LAMA5: variants seen among roughly 807,000 people sequenced by gnomAD.
LAMA5 encodes laminin subunit alpha-5.
LAMA5 carries 260 observed loss-of-function variants against 433.4 expected under a neutral mutation model. That is an observed-to-expected ratio of 0.60 (90% CI 0.54 to 0.66). LAMA5 has a LOEUF of 0.66. LAMA5 is among the 30% of genes least tolerant of loss of function. The pLI, the probability that LAMA5 is intolerant of heterozygous loss-of-function variation, is 0.00. For missense variants in LAMA5, 5,378 were observed against 5,258.5 expected (o/e 1.02, Z -0.70); for synonymous variants, 2,620 against 2,226.6 (o/e 1.18, Z -4.97).
rs143158240 is a variant in LAMA5, at chr20:62,309,787, T to C, written c.10877A>G (p.Asn3626Ser). Reference sequence around the variant, plus strand: ...CGCCAGCAAGGGGCCCACGGTGTGGTTGCTCTGCGCGTCCACCTCCAGCCG... The same window carrying C: ...CGCCAGCAAGGGGCCCACGGTGTGGCTGCTCTGCGCGTCCACCTCCAGCCG... ...VLRLEVDAQS[N>S]HTVGPLLAAA... Residue 3626 changes from asparagine (N) to serine (S), a missense_variant, in exon 79 of 80, where the codon AAC (asparagine) becomes AGC (serine). Asn to Ser is a conservative substitution (Grantham distance 46). Coordinates refer to ENST00000252999, the MANE Select transcript of LAMA5 (RefSeq NM_005560.6). The C allele has an allele frequency of 5.8e-4, 938 of 1,609,018 alleles. 6 individuals carry two copies. In the African/African-American group the frequency reaches 9.3e-3, roughly 16 times the overall value.
intron 6 of LAMA5, among the ~76,000 whole-genome samples, chr20:62,348,387 G>A (rs564425065): frequency 1.9e-4 from 29 of 152,256 alleles, no homozygotes; most frequent in East Asian, 9.7e-4. Context: ...GGTGGATCAC[G>A]AGGTCAGGAG....
intron 70 of LAMA5, 32 bp from the exon 71 acceptor site, chr20:62,311,816 T>TTC: frequency 1.3e-6 from 2 of 1,521,006 alleles, no homozygotes; most frequent in Non-Finnish European, 1.8e-6. Context: ...GCTCGGTTTT[T>TTC]CCCCACCCTG....
At position 62,312,301 on chromosome 20, in the gene LAMA5, T is replaced by C. The variant is rs759768761; in HGVS notation, c.9376A>G (p.Thr3126Ala). 7 of 1,610,174 alleles carry C rather than the reference T, an allele frequency of 4.3e-6. No homozygotes were observed. The Admixed American group carries it at 8.4e-5, about 19-fold the overall frequency. ...TADLLVGRAM[T>A]FHGHGFLRLA... is the part of the protein sequence containing the mutation. ...CGAAGGAAGCCGTGGCCATGGAAAGTCATGGCGCGCCCCACCTGCGGGGAG... is the reference window on the plus strand; with the variant it reads ...CGAAGGAAGCCGTGGCCATGGAAAGCCATGGCGCGCCCCACCTGCGGGGAG... The change falls in exon 69 of 80, where the codon ACT becomes GCT. Residue 3126 changes from threonine (T) to alanine (A), a missense_variant. Physicochemically the swap from Thr to Ala is moderately conservative, Grantham distance 58. Coordinates refer to ENST00000252999, the MANE Select transcript of LAMA5 (RefSeq NM_005560.6).
At chr20:62,351,561 C>A in intron 6 of LAMA5, 143 bp downstream of exon 6, 1 of 735,224 alleles carries the variant, frequency 1.4e-6, no homozygotes, top group Non-Finnish European at 2.3e-6. Context: ...CGGCGGTGGT[C>A]AGTGCAGGTC....
In LAMA5 at chr20:62,309,075, G is replaced by GTTTT; in HGVS notation, c.*260_*261insAAAA. The GTTTT allele has an allele frequency of 1.6e-6, 1 of 609,816 alleles. No homozygotes were observed. Among genetic ancestry groups the GTTTT allele is most frequent in the Non-Finnish European group, 2.7e-6 (1 of 365,070 alleles). The allele number at this position is 609,816 out of a possible 1,614,324, so 37.8% of individuals were successfully genotyped here. A position where few individuals can be genotyped will look rare whatever the true frequency, so the allele number is the denominator to read the frequency against. ...TCAACATTCATTCGGTTACACAGAA[G>GTTTT]TTACTTTTTAATTTTTAAGGAGGAA... On this transcript the variant is annotated 3_prime_UTR_variant, in exon 80 of 80. Coordinates refer to ENST00000252999, the MANE Select transcript of LAMA5 (RefSeq NM_005560.6).
In LAMA5 at chr20:62,316,914, G is replaced by A; in HGVS notation, c.7621C>T (p.Gln2541Ter). The change falls in exon 56 of 80, where the codon CAG becomes TAG. Residue 2541 changes from glutamine (Q) to a stop codon, truncating the protein, a stop_gained. Coordinates refer to ENST00000252999, the MANE Select transcript of LAMA5 (RefSeq NM_005560.6). LOFTEE classifies it high-confidence loss of function. ...AVQAAEDAAG[Q>*]ALQQADHTWA... ...GTGTGGTCCGCCTGCTGCAGGGCCT[G>A]GCCAGCAGCATCCTCGGCAGCCTGC... 6.5e-7 allele frequency: 1 copy of A among 1,545,342 alleles called. No homozygotes were observed.
chr20:62,328,628 C>T (rs1443775076), intron 34 of LAMA5, among the ~76,000 whole-genome samples, 183 bp from the exon 35 acceptor site: 4 of 94,848 alleles, frequency 4.2e-5, no homozygotes, highest in Non-Finnish European at 9.5e-5. Flanking sequence ...TCAGAATCAA[C>T]ATCATCGTCA....
In LAMA5 at chr20:62,332,457, C is replaced by T. The variant is rs143551466; in HGVS notation, c.3467G>A (p.Arg1156Gln). The T allele has an allele frequency of 3.1e-4, 492 of 1,612,582 alleles. No homozygotes were observed. In the Middle Eastern group the frequency reaches 5.0e-3, roughly 16 times the overall value. Residue 1156 changes from arginine (R) to glutamine (Q), a missense_variant, in exon 28 of 80, where the codon CGG becomes CAG. Coordinates refer to ENST00000252999, the MANE Select transcript of LAMA5 (RefSeq NM_005560.6). ...GACAGCCAGGTGGTCCTGGGTATCC[C>T]GGGCAGTGCCCCGGCACAGGGTGCT... ...LYSTLCRGTA[R>Q]DTQDHLAVFH...
In LAMA5 at chr20:62,359,459, G is replaced by A. The variant is rs549087991; in HGVS notation, c.450+2941C>T. Among the ~76,000 whole-genome samples the A allele has an allele frequency of 1.3e-4, 18 of 135,838 alleles. No homozygotes were observed. The South Asian group carries it at 3.0e-3, about 23-fold the overall frequency. The allele number at this position is 135,838 out of a possible 152,430, so 89.1% of individuals were successfully genotyped here. A position where few individuals can be genotyped will look rare whatever the true frequency, so the allele number is the denominator to read the frequency against. ...CATGTGCCTGGGCAGTCATGAACGC[G>A]CTCACCCTTCCCTGGGCCTGGGGCC... On this transcript the variant is annotated intron_variant, in intron 2 of 79. Coordinates refer to ENST00000252999, the MANE Select transcript of LAMA5 (RefSeq NM_005560.6). This position sits in a 1 kb window ranked among gnomAD's most constrained non-coding sequence, Gnocchi z 4.3.
rs1335354150 is a variant in LAMA5 at position 62,315,355 on chromosome 20, C to G, written c.7868-148G>C. 5.9e-6 allele frequency: 4 copies of G among 672,692 alleles called. No individual in the cohort carries two copies. In the East Asian group the frequency reaches 8.6e-5, roughly 14 times the overall value. The allele number at this position is 672,692 out of a possible 1,614,324, so 41.7% of individuals were successfully genotyped here. A position where few individuals can be genotyped will look rare whatever the true frequency, so the allele number is the denominator to read the frequency against. On this transcript the variant is annotated intron_variant, in intron 58 of 79. Transcript: ENST00000252999. ...CTCACACCCCGCTGCTCAGTGCAAT[C>G]CAAACCCATCCTAAATGCCTCCACC...
rs1355647544 is a variant in LAMA5, at chr20:62,360,501, G to A, written c.450+1899C>T. On this transcript the variant is annotated intron_variant, in intron 2 of 79. Coordinates refer to ENST00000252999, the MANE Select transcript of LAMA5 (RefSeq NM_005560.6). ...AGGGATAGATGGGTGGTGGGTGGGT[G>A]GAGGGATAGATGGGTGGGTGGGTGG... Among the ~76,000 whole-genome samples, 14 of 1,812 alleles carry A rather than the reference G, an allele frequency of 7.7e-3. 6 individuals carry two copies. Among genetic ancestry groups the A allele is most frequent in the East Asian group, 0.033 (3 of 92 alleles). The allele number at this position is 1,812 out of a possible 152,430, so 1.2% of individuals were successfully genotyped here.
chr20:62,325,398 G>A lies in LAMA5; in HGVS notation c.5447C>T (p.Ala1816Val), dbSNP rs767256477. Residue 1816 changes from alanine to valine, a missense_variant, in exon 41 of 80, where the codon GCC becomes GTC. Transcript: ENST00000252999. ...CAGGGCCCCCTGGCCTGCTGGGCTG[G>A]CCACCTCCAGTGCCACCCTGCGCAG... ...VFLRRVALEV[A>V]SPAGQGALAS... 6.2e-7 allele frequency: 1 copy of A among 1,611,568 alleles called. No individual in the cohort carries two copies. The highest frequency in any genetic ancestry group is 8.5e-7 in the Non-Finnish European group (1 of 1,179,148).
At position 62,362,445 on chromosome 20, in the gene LAMA5, G is replaced by A. The variant is rs376228530; in HGVS notation, c.405C>T (p.Arg135=). 17 of 1,588,976 alleles carry A rather than the reference G, an allele frequency of 1.1e-5. No individual in the cohort carries two copies. The highest frequency in any genetic ancestry group is 4.0e-5 in the African/African-American group (3 of 74,370). The change falls in exon 2 of 80, where the codon CGC becomes CGT. Residue 135 remains arginine, a synonymous_variant. Coordinates refer to ENST00000252999, the MANE Select transcript of LAMA5 (RefSeq NM_005560.6). ...CGTTGACCTCGTTGTACTCCAGGCC[G>A]CGGGACAGCGGTGGACTCTGCCACC... ...ERWWQSPPLS[R]GLEYNEVNVT... is the part of the protein sequence containing the mutation.
At chr20:62,312,084 G>A (rs1415721834) in intron 69 of LAMA5, 34 bp from the exon 70 acceptor site, 2 of 1,609,874 alleles carry the variant, frequency 1.2e-6, no homozygotes, top group African/African-American at 1.3e-5. Context: ...CGGCCGGCCT[G>A]GGGACCCAGA....
Position 62,313,127 on chromosome 20 carries a change from G to T in LAMA5, c.8916C>A (p.Leu2972=), listed in dbSNP as rs750547618. ...AGAAGAGCACCCCGCTGTAGGACAC[G>T]AGCCGCAGCTCCTGCTCGAAGCGCT... ...TTKRFEQELR[L]VSYSGVLFFL... is the part of the protein sequence containing the mutation. The change falls in exon 65 of 80, where the codon CTC becomes CTA. Residue 2972 remains leucine, a synonymous_variant. Coordinates refer to ENST00000252999, the MANE Select transcript of LAMA5 (RefSeq NM_005560.6). 6.2e-7 allele frequency: 1 copy of T among 1,608,976 alleles called. No homozygotes were observed. Among genetic ancestry groups the T allele is most frequent in the Non-Finnish European group, 8.5e-7 (1 of 1,179,704 alleles).
chr20:62,310,227 C>T lies in LAMA5; in HGVS notation c.10685G>A (p.Gly3562Asp), dbSNP rs1219644345. The T allele has an allele frequency of 6.2e-7, 1 of 1,612,602 alleles. No individual in the cohort carries two copies. Among genetic ancestry groups the T allele is most frequent in the African/African-American group, 1.3e-5 (1 of 75,044 alleles). ...CAAGTAGGGGGGCGTCCGGGCCTGG[C>T]CCAAGTGGAAGATCAGTCCGGTGAC... is the stretch of plus-strand genomic sequence containing the variant. ...LAVTGLIFHL[G>D]QARTPPYLQL... Residue 3562 changes from glycine (G) to aspartate (D), a missense_variant, in exon 77 of 80, where the codon GGC becomes GAC. Coordinates refer to ENST00000252999, the MANE Select transcript of LAMA5 (RefSeq NM_005560.6).
chr20:62,315,878 G>A lies in LAMA5; in HGVS notation c.7867+70C>T, dbSNP rs1304675236. 4 of 1,197,978 alleles carry A rather than the reference G, an allele frequency of 3.3e-6. No individual in the cohort carries two copies. In the Admixed American group the frequency reaches 6.0e-5, roughly 18 times the overall value. The allele number at this position is 1,197,978 out of a possible 1,614,324, so 74.2% of individuals were successfully genotyped here. The stretch of plus-strand genomic sequence containing the variant: ...CACAGTGAGTGCTCACCAACCACAT[G>A]TGGCCAGCGCCACTGTCACAGAGCC... On this transcript the variant is annotated intron_variant, in intron 58 of 79. Coordinates refer to ENST00000252999, the MANE Select transcript of LAMA5 (RefSeq NM_005560.6).
At chr20:62,314,777 T>G in intron 60 of LAMA5, 22 bp downstream of exon 60, 1 of 1,612,812 alleles carries the variant, frequency 6.2e-7, no homozygotes, top group Non-Finnish European at 8.5e-7. Flanking sequence ...GATGTCCACC[T>G]TCCCCTGGGA....
At position 62,334,629 on chromosome 20, in the gene LAMA5, G is replaced by A; in HGVS notation, c.2483-8C>T. The A allele has an allele frequency of 6.5e-7, 1 of 1,543,910 alleles. No individual in the cohort carries two copies. The highest frequency in any genetic ancestry group is 1.4e-5 in the African/African-American group (1 of 73,138). On this transcript the variant is annotated splice_region_variant and splice_polypyrimidine_tract_variant and intron_variant, in intron 20 of 79. Coordinates refer to ENST00000252999, the MANE Select transcript of LAMA5 (RefSeq NM_005560.6). ...CAATGTCACACCGGCAGCCTGCAGG[G>A]AGAAGGTGGGAGGTCAGAGGCTGCC...
Sources: gnomAD v4.1 joint callset for allele counts (sites outside exome capture counted in the v4.1 genomes callset) on GRCh38, gnomAD v4.1.1 for gene constraint, Gnocchi (gnomAD v3.1) non-coding constraint, MANE v1.5 for transcripts, NCBI Gene and HGNC (gene_info 2026-07-23, HGNC 2026-07-21) for gene names.